Variants in BLTP3B observed in about 807,000 individuals in gnomAD.
The protein encoded by BLTP3B is bridge-like lipid transfer protein family member 3B.
the BLTP3B span, among the ~76,000 whole-genome samples, chr12:100,130,978 G>GGAGGGAGA: frequency 3.5e-4 from 11 of 31,174 alleles, 1 homozygote; most frequent in African/African-American, 7.6e-4. Flanking sequence ...AGAGAGAGAG[G>GGAGGGAGA]GAGGGAGAGA....
At chr12:100,112,855 T>C in the BLTP3B span, among the ~76,000 whole-genome samples, 1 of 112,316 alleles carries the variant, frequency 8.9e-6, no homozygotes. Context: ...CAAGACTCCA[T>C]CTCAAAAAAA....
chr12:100,077,044 T>C, the BLTP3B span, among the ~76,000 whole-genome samples: 1 of 152,210 alleles, frequency 6.6e-6, no homozygotes, highest in Non-Finnish European at 1.5e-5. Flanking sequence ...TAAATTTATT[T>C]AAATCCTAAA....
the BLTP3B span, among the ~76,000 whole-genome samples, chr12:100,136,210 CAAA>C: frequency 2.8e-5 from 3 of 106,362 alleles, no homozygotes; most frequent in Non-Finnish European, 2.1e-5. Context: ...GACTCTGTCT[CAAA>C]AAAAAAAAAA....
chr12:100,142,656 C>A, the BLTP3B span: 1 of 1,604,958 alleles, frequency 6.2e-7, no homozygotes, highest in South Asian at 1.1e-5. Context: ...CTGGAGACGC[C>A]GCGGTCTCGT....
At chr12:100,062,851 CT>C in the BLTP3B span, among the ~76,000 whole-genome samples, 1 of 151,960 alleles carries the variant, frequency 6.6e-6, no homozygotes, top group Non-Finnish European at 1.5e-5. Flanking sequence ...ATCCTAGCTA[CT>C]AGCGAGGCTG....
the BLTP3B span, chr12:100,057,493 G>T: frequency 1.7e-6 from 2 of 1,183,566 alleles, no homozygotes; most frequent in Non-Finnish European, 2.3e-6. Flanking sequence ...AACAATTACT[G>T]AATATAACTA....
chr12:100,135,561 C>G, the BLTP3B span, among the ~76,000 whole-genome samples: 1 of 152,090 alleles, frequency 6.6e-6, no homozygotes, highest in South Asian at 2.1e-4. Context: ...GACACCACAC[C>G]CGGCCTCAAA....
chr12:100,083,863 AAGG>A, the BLTP3B span, among the ~76,000 whole-genome samples: 1 of 152,228 alleles, frequency 6.6e-6, no homozygotes, highest in African/African-American at 2.4e-5. Context: ...GGTCTGAGCA[AAGG>A]ATACAGGGGT....
the BLTP3B span, among the ~76,000 whole-genome samples, chr12:100,047,277 A>G: frequency 3.0e-3 from 462 of 152,146 alleles, 1 homozygote; most frequent in Middle Eastern, 6.8e-3. Context: ...GTGGGTAGAT[A>G]ACCTGAAGTC....
At chr12:100,058,624 G>A in the BLTP3B span, 1 of 1,614,012 alleles carries the variant, frequency 6.2e-7, no homozygotes, top group Non-Finnish European at 8.5e-7. Flanking sequence ...TCAGAAACAG[G>A]AGACTTAAGA....
chr12:100,138,672 A>C, the BLTP3B span, among the ~76,000 whole-genome samples: 1 of 152,258 alleles, frequency 6.6e-6, no homozygotes, highest in African/African-American at 2.4e-5. Context: ...ATGTCTGCCC[A>C]GTCAACTCCC....
At chr12:100,070,221 AC>A in the BLTP3B span, 1 of 1,541,100 alleles carries the variant, frequency 6.5e-7, no homozygotes, top group South Asian at 1.3e-5. Flanking sequence ...AAAACAAAAA[AC>A]CACAAAAGAT....
At chr12:100,141,172 T>C in the BLTP3B span, among the ~76,000 whole-genome samples, 2 of 152,006 alleles carry the variant, frequency 1.3e-5, no homozygotes, top group African/African-American at 4.8e-5. Flanking sequence ...AACTTTTCAA[T>C]GAGTGATAAC....
chr12:100,109,117 G>T, the BLTP3B span, among the ~76,000 whole-genome samples: 1 of 150,922 alleles, frequency 6.6e-6, no homozygotes, highest in Admixed American at 6.6e-5. Flanking sequence ...TAGGGAGTGA[G>T]TTCTCACAAG....
chr12:100,095,891 T>C, the BLTP3B span: 1 of 1,393,708 alleles, frequency 7.2e-7, no homozygotes, highest in Non-Finnish European at 9.6e-7. Flanking sequence ...AACCTTATAA[T>C]ACGCTTGTAT....
the BLTP3B span, among the ~76,000 whole-genome samples, chr12:100,066,083 G>A: frequency 6.6e-6 from 1 of 152,046 alleles, no homozygotes; most frequent in Non-Finnish European, 1.5e-5. Context: ...TTGAAATACT[G>A]GGGACAGGTT....
At chr12:100,047,764 G>T in the BLTP3B span, 1 of 1,042,952 alleles carries the variant, frequency 9.6e-7, no homozygotes, top group Non-Finnish European at 1.4e-6. Flanking sequence ...GTTATATTTT[G>T]CCTGTTATAT....
chr12:100,076,288 T>C, the BLTP3B span, among the ~76,000 whole-genome samples: 8 of 152,096 alleles, frequency 5.3e-5, no homozygotes, highest in African/African-American at 9.7e-5. Flanking sequence ...TGTTTTTTTT[T>C]CCATTCATCA....
the BLTP3B span, among the ~76,000 whole-genome samples, chr12:100,133,098 T>C: frequency 6.6e-6 from 1 of 151,640 alleles, no homozygotes; most frequent in Non-Finnish European, 1.5e-5. Flanking sequence ...AAAATTTAGC[T>C]GGGGGTGGTG....
Sources: gnomAD v4.1 joint callset for allele counts (sites outside exome capture counted in the v4.1 genomes callset) on GRCh38, gnomAD v4.1.1 for gene constraint, MANE v1.5 for transcripts, NCBI Gene and HGNC (gene_info 2026-07-23, HGNC 2026-07-21) for gene names.